Variants in TAS1R1 observed in about 807,000 individuals in gnomAD.
TAS1R1 encodes the protein taste 1 receptor member 1, also known as taste receptor type 1 member 1.
TAS1R1 carries 31 observed loss-of-function variants against 45.8 expected under a neutral mutation model. The observed-to-expected ratio is 0.68, with a 90% CI of 0.51 to 0.91. TAS1R1 has a LOEUF of 0.91. Ranked by LOEUF, TAS1R1 falls within the 40% of genes least tolerant of loss-of-function variation. The probability of loss-of-function intolerance (pLI) is 0.00; values close to 1 mark genes in which losing one functional copy is unlikely to be tolerated. For synonymous variants in TAS1R1, 437 were observed against 448.4 expected (o/e 0.97, Z 0.32); for missense variants, 1,051 against 1,063.9 (o/e 0.99, Z 0.17).
At chr1:6,578,505 AG>A in intron 5 of TAS1R1, 147 bp from the exon 6 acceptor site, 1 of 1,398,240 alleles carries the variant, frequency 7.2e-7, no homozygotes, top group Non-Finnish European at 9.4e-7. Flanking sequence ...GCGTGGCCTC[AG>A]GCCCCACTCC....
rs752260254 is a variant in TAS1R1, at chr1:6,571,027, G to C, written c.310G>C (p.Asp104His). The C allele has an allele frequency of 6.2e-7, 1 of 1,614,182 alleles. No homozygotes were observed. The highest frequency in any genetic ancestry group is 2.2e-5 in the East Asian group (1 of 44,876). Residue 104 changes from aspartate (D) to histidine (H), a missense_variant, in exon 2 of 6, where the codon GAT becomes CAT. By Grantham distance (81) the Asp-to-His change is moderately conservative (BLOSUM62 -1). Coordinates refer to ENST00000333172, the MANE Select transcript of TAS1R1 (RefSeq NM_138697.4). ...PNITLGYQLY[D>H]VCSDSANVYA... Reference sequence around the variant, plus strand: ...CATCACCCTGGGGTACCAGCTGTATGATGTGTGTTCTGACTCTGCCAATGT... The same window carrying C: ...CATCACCCTGGGGTACCAGCTGTATCATGTGTGTTCTGACTCTGCCAATGT...
chr1:6,571,732 A>T (rs1303189419), intron 2 of TAS1R1, among the ~76,000 whole-genome samples: 1 of 152,182 alleles, frequency 6.6e-6, no homozygotes, highest in East Asian at 1.9e-4. Flanking sequence ...AGACAGGAGA[A>T]TTGCTGGAAT....
chr1:6,564,270 A>G (rs1218094176), intron 1 of TAS1R1, among the ~76,000 whole-genome samples: 1 of 152,120 alleles, frequency 6.6e-6, no homozygotes, highest in African/African-American at 2.4e-5. Context: ...TTAAGAAGAC[A>G]TGTTCTCCTA....
In TAS1R1 at chr1:6,568,277, A is replaced by G. The variant is rs553342806; in HGVS notation, c.192-2632A>G. On this transcript the variant is annotated intron_variant, in intron 1 of 5. Transcript: ENST00000333172. Reference sequence around the variant, plus strand: ...ATCCTGGCTAACATGGTGAAACCCCATCTCTACTAAAAAAAAATACAAAAA... The same window carrying G: ...ATCCTGGCTAACATGGTGAAACCCCGTCTCTACTAAAAAAAAATACAAAAA... Among the ~76,000 whole-genome samples the G allele has an allele frequency of 3.1e-3, 474 of 151,912 alleles. 4 individuals carry two copies. Among genetic ancestry groups the G allele is most frequent in the African/African-American group, 0.011 (450 of 41,402 alleles).
chr1:6,579,373 C>G lies in TAS1R1; in HGVS notation c.2315C>G (p.Ser772Cys), dbSNP rs763461949. 6.2e-7 allele frequency: 1 copy of G among 1,613,956 alleles called. No individual in the cohort carries two copies. Residue 772 changes from serine to cysteine, a missense_variant, in exon 6 of 6, where the codon TCC (serine) becomes TGC (cysteine). By Grantham distance (112) the Ser-to-Cys change is moderately radical. Coordinates refer to ENST00000333172, the MANE Select transcript of TAS1R1 (RefSeq NM_138697.4). ...VTFSLLFNFVSWIAFFTTASV... is the reference protein window; with the variant it reads ...VTFSLLFNFVCWIAFFTTASV... The stretch of plus-strand genomic sequence containing the variant: ...TTCAGCCTGCTCTTCAACTTCGTGT[C>G]CTGGATCGCCTTCTTCACCACGGCC...
Position 6,578,723 on chromosome 1 carries a change from C to T in TAS1R1, c.1665C>T (p.Arg555=). The part of the protein sequence containing the change: ...APEGSQTCFP[R]TVVFLALREH... ...AGGGAAGCCAGACCTGCTTCCCGCG[C>T]ACTGTGGTGTTTTTGGCTTTGCGTG... is the stretch of plus-strand genomic sequence containing the variant. The change falls in exon 6 of 6, where the codon CGC becomes CGT. Residue 555 remains arginine (R), a synonymous_variant. Transcript: ENST00000333172. 6.2e-7 allele frequency: 1 copy of T among 1,612,950 alleles called. No individual in the cohort carries two copies. The highest frequency in any genetic ancestry group is 8.5e-7 in the Non-Finnish European group (1 of 1,179,284).
rs1037767334 is a variant in TAS1R1, at chr1:6,578,741, T to A, written c.1683T>A (p.Ala561=). The change falls in exon 6 of 6, where the codon GCT becomes GCA. Residue 561 remains alanine, a synonymous_variant. Coordinates refer to ENST00000333172, the MANE Select transcript of TAS1R1 (RefSeq NM_138697.4). Reference sequence around the variant, plus strand: ...TCCCGCGCACTGTGGTGTTTTTGGCTTTGCGTGAGCACACCTCTTGGGTGC... The same window carrying A: ...TCCCGCGCACTGTGGTGTTTTTGGCATTGCGTGAGCACACCTCTTGGGTGC... The part of the protein sequence containing the change: ...TCFPRTVVFL[A]LREHTSWVLL... 4 of 1,613,772 alleles carry A rather than the reference T, an allele frequency of 2.5e-6. No individual in the cohort carries two copies. The highest frequency in any genetic ancestry group is 3.4e-6 in the Non-Finnish European group (4 of 1,179,884).
chr1:6,571,204 C>G lies in TAS1R1; in HGVS notation c.487C>G (p.Leu163Val), dbSNP rs140548974. The G allele has an allele frequency of 3.5e-4, 542 of 1,566,292 alleles. No individual in the cohort carries two copies. In the African/African-American group the frequency reaches 5.6e-3, roughly 16 times the overall value. ...CACAGCCGCCCTGCTGAGCCCTTTC[C>G]TGGTGCCCATGGTAAGCTGGAGCCT... ...ATTAALLSPF[L>V]VPMISYAASS... The change falls in exon 2 of 6, where the codon CTG becomes GTG. Residue 163 changes from leucine to valine, a missense_variant. Coordinates refer to ENST00000333172, the MANE Select transcript of TAS1R1 (RefSeq NM_138697.4).
chr1:6,575,263 G>A lies in TAS1R1; in HGVS notation c.1131G>A (p.Lys377=), dbSNP rs1286772455. The A allele has an allele frequency of 1.9e-6, 3 of 1,613,420 alleles. No individual in the cohort carries two copies. The highest frequency in any genetic ancestry group is 4.5e-5 in the East Asian group (2 of 44,888). Residue 377 remains lysine (K), a synonymous_variant, in exon 3 of 6, where the codon AAG becomes AAA. Transcript: ENST00000333172. The stretch of plus-strand genomic sequence containing the variant: ...CTTTCATGGCACACACGATGCCCAA[G>A]CTCAAAGCCTTCTCCATGAGTTCTG... The part of the protein sequence containing the change: ...CQAFMAHTMP[K]LKAFSMSSAY...
At chr1:6,558,036 G>GTTTTTTTTTTTTTTTTTTTT (rs779773064) in intron 1 of TAS1R1, among the ~76,000 whole-genome samples, 1 of 140,820 alleles carries the variant, frequency 7.1e-6, no homozygotes, top group African/African-American at 2.8e-5. Context: ...GTAGTGGTTA[G>GTTTTTTTTTTTTTTTTTTTT]TTTTTGTTTT....
intron 1 of TAS1R1, among the ~76,000 whole-genome samples, chr1:6,567,453 G>A (rs1190049940): frequency 2.0e-5 from 3 of 152,162 alleles, no homozygotes; most frequent in East Asian, 1.9e-4. Context: ...CCAGCTACTT[G>A]GGAGGCTGAG....
intron 1 of TAS1R1, 35 bp from the exon 2 acceptor site, chr1:6,570,874 C>T: frequency 6.4e-7 from 1 of 1,559,370 alleles, no homozygotes; most frequent in Middle Eastern, 1.7e-4. Flanking sequence ...AGGCCTTTGT[C>T]CTTCTCAGCT....
At position 6,578,733 on chromosome 1, in the gene TAS1R1, T is replaced by C; in HGVS notation, c.1675T>C (p.Phe559Leu). 6.2e-7 allele frequency: 1 copy of C among 1,612,410 alleles called. No homozygotes were observed. The highest frequency in any genetic ancestry group is 8.5e-7 in the Non-Finnish European group (1 of 1,179,146). ...SQTCFPRTVV[F>L]LALREHTSWV... ...GACCTGCTTCCCGCGCACTGTGGTG[T>C]TTTTGGCTTTGCGTGAGCACACCTC... Residue 559 changes from phenylalanine (F) to leucine (L), a missense_variant, in exon 6 of 6, where the codon TTT becomes CTT. Physicochemically the swap from Phe to Leu is conservative, Grantham distance 22 (BLOSUM62 0). Transcript: ENST00000333172.
At chr1:6,560,757 C>T (rs1436843609) in intron 1 of TAS1R1, among the ~76,000 whole-genome samples, 3 of 152,016 alleles carry the variant, frequency 2.0e-5, no homozygotes, top group Non-Finnish European at 4.4e-5. Flanking sequence ...CTGAGGTGGG[C>T]AGATCACGAG....
chr1:6,568,371 C>T (rs575667941), intron 1 of TAS1R1, among the ~76,000 whole-genome samples: 4 of 151,122 alleles, frequency 2.6e-5, no homozygotes, highest in Admixed American at 6.6e-5. Flanking sequence ...AGGAGAATGG[C>T]GTGAACCCGG....
chr1:6,576,527 G>C lies in TAS1R1; in HGVS notation c.1373G>C (p.Gly458Ala). ...SYNIIAWDWNGPKWTFTVLGS... is the reference protein window; with the variant it reads ...SYNIIAWDWNAPKWTFTVLGS... ...AACATAATTGCCTGGGACTGGAATG[G>C]ACCCAAGTGGACCTTCACGGTCCTC... The change falls in exon 4 of 6, where the codon GGA (glycine) becomes GCA (alanine). Residue 458 changes from glycine (G) to alanine (A), a missense_variant. Physicochemically the swap from Gly to Ala is moderately conservative, Grantham distance 60. Transcript: ENST00000333172. 1.2e-6 allele frequency: 2 copies of C among 1,614,246 alleles called. No homozygotes were observed. Among genetic ancestry groups the C allele is most frequent in the Non-Finnish European group, 1.7e-6 (2 of 1,180,046 alleles).
At chr1:6,576,720 G>A in intron 4 of TAS1R1, 93 bp downstream of exon 4, 1 of 1,487,302 alleles carries the variant, frequency 6.7e-7, no homozygotes, top group Middle Eastern at 2.4e-4. Context: ...GAGCAGGAGG[G>A]GGGCCCCAGG....
chr1:6,558,871 A>G (rs960800231), intron 1 of TAS1R1, among the ~76,000 whole-genome samples: 2 of 134,226 alleles, frequency 1.5e-5, no homozygotes, highest in African/African-American at 5.5e-5. Flanking sequence ...GACATGTGCC[A>G]GCATGCCCGG....
intron 1 of TAS1R1, among the ~76,000 whole-genome samples, chr1:6,559,632 C>A (rs1639746252): frequency 6.7e-6 from 1 of 149,256 alleles, no homozygotes; most frequent in Non-Finnish European, 1.5e-5. Flanking sequence ...GCACTCCAGC[C>A]TGGGCGACAG....
Sources: gnomAD v4.1 joint callset for allele counts (sites outside exome capture counted in the v4.1 genomes callset) on GRCh38, gnomAD v4.1.1 for gene constraint, MANE v1.5 for transcripts, NCBI Gene and HGNC (gene_info 2026-07-23, HGNC 2026-07-21) for gene names.